Variants in ARSG observed in about 807,000 individuals in gnomAD.
ARSG encodes the protein arylsulfatase G, also known as ASG.
In ARSG, 37 loss-of-function variants were observed where a neutral mutation model predicts 50.5. The ratio of observed to expected loss-of-function variants is 0.73; its 90% CI spans 0.56 to 0.96. The LOEUF (loss-of-function observed/expected upper bound fraction) is 0.96. Ranked by LOEUF, ARSG falls within the 50% of genes least tolerant of loss-of-function variation. The probability of loss-of-function intolerance (pLI) is 0.00; values close to 1 mark genes in which losing one functional copy is unlikely to be tolerated. For synonymous variants in ARSG, 225 were observed against 254.6 expected, an observed-to-expected ratio of 0.88 and a Z score of 1.11; for missense variants, 629 against 675.3, an observed-to-expected ratio of 0.93 and a Z score of 0.76.
intron 2 of ARSG, among the ~76,000 whole-genome samples, chr17:68,338,675 A>G (rs973357437): frequency 5.9e-5 from 9 of 152,218 alleles, no homozygotes; most frequent in Non-Finnish European, 1.2e-4. Context: ...TTCTTCATCT[A>G]TATATGGGAA....
At chr17:68,401,221 C>T in intron 10 of ARSG, 139 bp from the exon 11 acceptor site, 6 of 707,678 alleles carry the variant, frequency 8.5e-6, no homozygotes, top group South Asian at 1.7e-5. Context: ...AGGGGTCTTG[C>T]TGTGTTGCCC....
chr17:68,285,075 T>G (rs879978184), intron 1 of ARSG, among the ~76,000 whole-genome samples: 10 of 152,280 alleles, frequency 6.6e-5, no homozygotes, highest in Admixed American at 6.5e-4. Context: ...GACTAAAATA[T>G]TTGCTGATGA....
At chr17:68,336,201 CTTTCT>C (rs1184364596) in intron 2 of ARSG, among the ~76,000 whole-genome samples, 1 of 150,596 alleles carries the variant, frequency 6.6e-6, no homozygotes, top group African/African-American at 2.4e-5. Context: ...GCCTGGTCTT[CTTTCT>C]TTTCTTTTCT....
rs139961659 is a variant in ARSG, at chr17:68,271,631, T to C, written c.-552+12205T>C. The C allele has an allele frequency of 4.3e-6, 7 of 1,613,212 alleles. No homozygotes were observed. The African/African-American group carries it at 9.3e-5, about 22-fold the overall frequency. On this transcript the variant is annotated intron_variant, in intron 1 of 11. Coordinates refer to the ARSG transcript ENST00000448504. This position sits in a 1 kb window ranked among gnomAD's most constrained non-coding sequence, Gnocchi z 5.3. Reference sequence around the variant, plus strand: ...AAGAGGAGGCTGTATCTCCAGCCAATGCGCTCCTTCAGAGCCATGATTGCT... The same window carrying C: ...AAGAGGAGGCTGTATCTCCAGCCAACGCGCTCCTTCAGAGCCATGATTGCT...
intron 8 of ARSG, among the ~76,000 whole-genome samples, chr17:68,377,223 G>A (rs1283447606): frequency 2.0e-5 from 3 of 152,208 alleles, no homozygotes; most frequent in African/African-American, 7.2e-5. Flanking sequence ...AGGCCAAGGA[G>A]AATGGAAGGC....
intron 8 of ARSG, among the ~76,000 whole-genome samples, chr17:68,383,202 T>G (rs918424763): frequency 6.6e-6 from 1 of 152,184 alleles, no homozygotes; most frequent in Non-Finnish European, 1.5e-5. Context: ...GAATCCCTAA[T>G]TCTTGAAGGG....
At chr17:68,313,574 G>T (rs569107970) in intron 2 of ARSG, among the ~76,000 whole-genome samples, 3 of 152,030 alleles carry the variant, frequency 2.0e-5, no homozygotes, top group African/African-American at 7.2e-5. Context: ...CATCTGCGAA[G>T]ACGCTATCTC....
At position 68,397,255 on chromosome 17, in the gene ARSG, G is replaced by A. The variant is rs528257480; in HGVS notation, c.1212+2062G>A. ...CATCGTCACGGGGAGGTATGATGGC[G>A]TGGTTAATGCAGCTGGAGTCAGGAC... On this transcript the variant is annotated intron_variant, in intron 10 of 11. Transcript: ENST00000621439. Among the ~76,000 whole-genome samples the A allele has an allele frequency of 1.9e-3, 288 of 152,270 alleles. 1 individual carries two copies. Among genetic ancestry groups the A allele is most frequent in the African/African-American group, 6.5e-3 (269 of 41,548 alleles).
At chr17:68,272,892 T>A in intron 1 of ARSG, 1 of 1,161,818 alleles carries the variant, frequency 8.6e-7, no homozygotes, top group Non-Finnish European at 1.2e-6. Flanking sequence ...GCCAAGTAAT[T>A]CATTCTGGAC....
Position 68,381,704 on chromosome 17 carries a change from C to G in ARSG, c.983-3360C>G, listed in dbSNP as rs772383728. Reference sequence around the variant, plus strand: ...TCTTCCCGATCTTGCCCCTTGCCCTCCTTCCCTGGGAATGAGTGCTCTCCC... The same window carrying G: ...TCTTCCCGATCTTGCCCCTTGCCCTGCTTCCCTGGGAATGAGTGCTCTCCC... On this transcript the variant is annotated intron_variant, in intron 8 of 11. Coordinates refer to ENST00000621439, the MANE Select transcript of ARSG (RefSeq NM_001267727.2). The surrounding 1 kb of genome is among the most constrained non-coding windows in gnomAD (Gnocchi z 4.1). Among the ~76,000 whole-genome samples, 2 of 152,180 alleles carry G rather than the reference C, an allele frequency of 1.3e-5. No individual in the cohort carries two copies. The highest frequency in any genetic ancestry group is 2.9e-5 in the Non-Finnish European group (2 of 68,032).
At chr17:68,361,198 G>A (rs924822637) in intron 6 of ARSG, among the ~76,000 whole-genome samples, 1 of 152,066 alleles carries the variant, frequency 6.6e-6, no homozygotes, top group African/African-American at 2.4e-5. Context: ...AACCCTTAAT[G>A]GGGTGGTATT....
chr17:68,291,400 A>G (rs1288840010), upstream of ARSG: 1 of 147,134 alleles, frequency 6.8e-6, no homozygotes, highest in Non-Finnish European at 1.5e-5. Flanking sequence ...TACCGGCTGC[A>G]GCCGGTCTCC....
intron 1 of ARSG, among the ~76,000 whole-genome samples, chr17:68,301,831 C>T (rs911601693): frequency 1.3e-5 from 2 of 151,998 alleles, no homozygotes; most frequent in Non-Finnish European, 2.9e-5. Flanking sequence ...TCTGCCTTTC[C>T]TGCTTGGCTT....
chr17:68,376,463 A>AT (rs981763966), intron 8 of ARSG, among the ~76,000 whole-genome samples: 6 of 150,486 alleles, frequency 4.0e-5, no homozygotes, highest in African/African-American at 1.2e-4. Flanking sequence ...ACCTTTTAAA[A>AT]TTTTTTTTGT....
chr17:68,276,323 A>G (rs2075518794), intron 1 of ARSG, among the ~76,000 whole-genome samples: 1 of 152,174 alleles, frequency 6.6e-6, no homozygotes, highest in Admixed American at 6.5e-5. Context: ...AAGACATTCT[A>G]TGGCTAAAAA....
chr17:68,320,776 C>T (rs1344918806), intron 2 of ARSG, among the ~76,000 whole-genome samples: 2 of 152,018 alleles, frequency 1.3e-5, no homozygotes, highest in Non-Finnish European at 2.9e-5. Flanking sequence ...GCTGGAAGGG[C>T]GGGGGTCACG....
chr17:68,277,143 T>C (rs2075549107), intron 1 of ARSG, among the ~76,000 whole-genome samples: 1 of 152,018 alleles, frequency 6.6e-6, no homozygotes, highest in African/African-American at 2.4e-5. Context: ...ATTATTATTA[T>C]TATTTTGAGA....
intron 2 of ARSG, among the ~76,000 whole-genome samples, chr17:68,332,926 CA>C (rs1201744414): frequency 6.6e-6 from 1 of 152,142 alleles, no homozygotes; most frequent in African/African-American, 2.4e-5. Context: ...AAAATGAAGC[CA>C]GGGGCAACAG....
In ARSG at chr17:68,364,651, C is replaced by T. The variant is rs113968010; in HGVS notation, c.705-3897C>T. 6.1e-3 allele frequency among the ~76,000 whole-genome samples: 931 copies of T among 152,248 alleles called. 5 individuals are homozygous for T. The highest frequency in any genetic ancestry group is 0.019 in the African/African-American group (786 of 41,546). ...TCTGGGATTACAAGTGTGAGGATAA[C>T]CTGTTTTAATACCTCCGAGTATGTT... On this transcript the variant is annotated intron_variant, in intron 6 of 11. Coordinates refer to ENST00000621439, the MANE Select transcript of ARSG (RefSeq NM_001267727.2).
Sources: allele counts gnomAD v4.1 joint callset (sites outside exome capture counted in the v4.1 genomes callset), GRCh38; gene constraint gnomAD v4.1.1; non-coding constraint Gnocchi (gnomAD v3.1); transcripts MANE v1.5; gene names NCBI Gene and HGNC (gene_info 2026-07-23, HGNC 2026-07-21).